MGME1: variants seen among roughly 807,000 people sequenced by gnomAD.
MGME1 encodes chromosome 20 open reading frame 72.
In MGME1, 22 loss-of-function variants were observed where a neutral mutation model predicts 33.0. That is an observed-to-expected ratio of 0.67 (90% CI 0.48 to 0.95). MGME1 has a LOEUF of 0.95. MGME1 is among the 40% of genes least tolerant of loss of function. The pLI, the probability that MGME1 is intolerant of heterozygous loss-of-function variation, is 0.00. For missense variants in MGME1, 383 were observed against 397.8 expected, an observed-to-expected ratio of 0.96 and a Z score of 0.32; for synonymous variants, 133 against 144.0, an observed-to-expected ratio of 0.92 and a Z score of 0.55.
intron 2 of MGME1, among the ~76,000 whole-genome samples, chr20:17,975,287 G>A (rs150078476): frequency 3.9e-5 from 6 of 152,170 alleles, no homozygotes; most frequent in East Asian, 1.9e-4. Context: ...GGCCGGGCAC[G>A]GTGGCTCATG....
chr20:17,990,968 T>G lies in MGME1; in HGVS notation c.*859T>G, dbSNP rs1338321810. ...TGTCCCTGGGTTTGGGAAACTTAAATGCCCATTACAGCCCTGGGGAAGGGT... is the reference window on the plus strand; with the variant it reads ...TGTCCCTGGGTTTGGGAAACTTAAAGGCCCATTACAGCCCTGGGGAAGGGT... On this transcript the variant is annotated 3_prime_UTR_variant, in exon 5 of 5. Transcript: ENST00000377710. 4 of 152,194 alleles carry G rather than the reference T, an allele frequency of 2.6e-5. No individual in the cohort carries two copies. Among genetic ancestry groups the G allele is most frequent in the Non-Finnish European group, 5.9e-5 (4 of 68,022 alleles). 9.4% of individuals were successfully genotyped at this position (152,194 alleles called of 1,614,324 possible). A position where few individuals can be genotyped will look rare whatever the true frequency, so the allele number is the denominator to read the frequency against.
chr20:17,988,438 T>TC, intron 4 of MGME1, 140 bp downstream of exon 4: 1 of 819,284 alleles, frequency 1.2e-6, no homozygotes, highest in East Asian at 2.8e-5. Context: ...GGTCAGGAGT[T>TC]CAAGACCAGC....
intron 3 of MGME1, among the ~76,000 whole-genome samples, chr20:17,982,501 AT>A (rs2036049515): frequency 6.6e-6 from 1 of 152,182 alleles, no homozygotes. Flanking sequence ...TGCTTCTTAA[AT>A]CTCCCAGGCA....
At chr20:17,970,731 A>G (rs570864611) in intron 2 of MGME1, among the ~76,000 whole-genome samples, 28 of 152,366 alleles carry the variant, frequency 1.8e-4, no homozygotes, top group African/African-American at 6.5e-4. Context: ...TGTTTGCTAG[A>G]TAATTCTGTT....
upstream of MGME1, chr20:17,968,714 A>T: frequency 2.3e-6 from 1 of 437,908 alleles, no homozygotes; most frequent in Non-Finnish European, 4.2e-6. Context: ...GCTCCGCTCC[A>T]CGAGGAGGCC....
intron 3 of MGME1, among the ~76,000 whole-genome samples, chr20:17,981,648 CGTGTGTGTGTGTGTGT>C (rs10677204): frequency 1.2e-4 from 17 of 139,696 alleles, no homozygotes; most frequent in East Asian, 2.1e-4. Flanking sequence ...ATCTACTACT[CGTGTGTGTGTGTGTGT>C]GTGTGTGTGT....
rs750931212 is a variant in MGME1 at position 17,969,913 on chromosome 20, T to C, written c.54T>C (p.Phe18=). ...TICRQLRSSK[F]SVESAALVAF... ...GCAGGCAGCTCAGGAGTTCAAAGTTTTCTGTGGAATCAGCTGCCCTTGTGG... is the reference window on the plus strand; with the variant it reads ...GCAGGCAGCTCAGGAGTTCAAAGTTCTCTGTGGAATCAGCTGCCCTTGTGG... The change falls in exon 2 of 5, where the codon TTT becomes TTC. Residue 18 remains phenylalanine, a synonymous_variant. Transcript: ENST00000377710. 2.5e-6 allele frequency: 4 copies of C among 1,613,640 alleles called. No individual in the cohort carries two copies. The South Asian group carries it at 4.4e-5, about 18-fold the overall frequency.
At chr20:17,972,716 T>A in intron 2 of MGME1, 2 of 985,430 alleles carry the variant, frequency 2.0e-6, no homozygotes, top group Non-Finnish European at 2.4e-6. Context: ...GGTTTTCATG[T>A]TTGTGATCAT....
chr20:17,972,683 T>G, intron 2 of MGME1: 5 of 985,420 alleles, frequency 5.1e-6, no homozygotes, highest in Non-Finnish European at 6.0e-6. Flanking sequence ...TGAGCCTTAG[T>G]GTCTAAAGGA....
chr20:17,977,114 G>A (rs1430893829), intron 3 of MGME1, among the ~76,000 whole-genome samples: 1 of 151,990 alleles, frequency 6.6e-6, no homozygotes, highest in African/African-American at 2.4e-5. Flanking sequence ...AGTGGCTCAC[G>A]CCTGTAATCC....
In MGME1 at chr20:17,970,128, A is replaced by AAGGTG; in HGVS notation, c.273_277dup (p.Asp93ValfsTer31). The AAGGTG allele has an allele frequency of 1.2e-6, 2 of 1,614,258 alleles. No individual in the cohort carries two copies. The highest frequency in any genetic ancestry group is 1.7e-6 in the Non-Finnish European group (2 of 1,180,038). ...GTGAGCAAGCATAAGCTGCCAAACCAAGGTGAGGACAGACGAGTGCCACAA... is the reference window on the plus strand; with the variant it reads ...GTGAGCAAGCATAAGCTGCCAAACCAAGGTGAGGTGAGGACAGACGAGTGCCACAA... On this transcript the variant is annotated frameshift_variant, in exon 2 of 5. Transcript: ENST00000377710. LOFTEE classifies it high-confidence loss of function.
At chr20:17,988,378 A>C in intron 4 of MGME1, 80 bp downstream of exon 4, 33 of 1,485,678 alleles carry the variant, frequency 2.2e-5, no homozygotes, top group Non-Finnish European at 2.8e-5. Context: ...GCAGTGGCTC[A>C]TGCCTGTAAT....
intron 2 of MGME1, chr20:17,972,801 G>GT: frequency 1.0e-6 from 1 of 984,610 alleles, no homozygotes; most frequent in Non-Finnish European, 1.2e-6. Flanking sequence ...CATTTGCTAA[G>GT]TTTTTTTCTT....
At chr20:17,969,725 G>C in intron 1 of MGME1, 76 bp from the exon 2 acceptor site, 1 of 952,614 alleles carries the variant, frequency 1.0e-6, no homozygotes, top group Non-Finnish European at 1.5e-6. Context: ...CAAACATGTC[G>C]AAAAAGTTCA....
intron 2 of MGME1, among the ~76,000 whole-genome samples, chr20:17,974,383 T>A (rs962146462): frequency 2.6e-5 from 4 of 152,012 alleles, no homozygotes; most frequent in Non-Finnish European, 5.9e-5. Flanking sequence ...TTTTTTAAAA[T>A]GTGTATGAGG....
At chr20:17,981,135 A>G (rs755620465) in intron 3 of MGME1, among the ~76,000 whole-genome samples, 2 of 152,084 alleles carry the variant, frequency 1.3e-5, no homozygotes, top group Non-Finnish European at 2.9e-5. Context: ...GCATCAGGAG[A>G]ACCTAAGAAT....
At chr20:17,968,612 C>G (rs1440334630), upstream of MGME1, 4 of 631,454 alleles carry the variant, frequency 6.3e-6, no homozygotes, top group Admixed American at 9.7e-5. Context: ...AGCAGGCGAG[C>G]AGGGCGCCAC....
intron 2 of MGME1, among the ~76,000 whole-genome samples, chr20:17,973,323 A>G (rs1285024484): frequency 2.0e-5 from 3 of 152,106 alleles, no homozygotes; most frequent in Admixed American, 1.3e-4. Context: ...CAGCCTGGAA[A>G]AAAAAAGAAT....
At chr20:17,972,284 C>T (rs2035750996) in intron 2 of MGME1, among the ~76,000 whole-genome samples, 1 of 152,076 alleles carries the variant, frequency 6.6e-6, no homozygotes. Flanking sequence ...AAGGTGAGAG[C>T]ATAGAAATGT....
Sources: allele counts gnomAD v4.1 joint callset (sites outside exome capture counted in the v4.1 genomes callset), GRCh38; gene constraint gnomAD v4.1.1; transcripts MANE v1.5; gene names NCBI Gene and HGNC (gene_info 2026-07-23, HGNC 2026-07-21).